The following VWA3B variants were observed in gnomAD, a reference collection of about 807,000 sequenced individuals.
VWA3B encodes von Willebrand factor A domain-containing protein 3B.
Under a neutral mutation model 158.3 loss-of-function variants are expected in VWA3B, and 138 were observed. That is an observed-to-expected ratio of 0.87 (90% CI 0.76 to 1.00). VWA3B has a LOEUF of 1.00. Ranked by LOEUF, VWA3B falls within the 50% of genes least tolerant of loss-of-function variation. The probability of loss-of-function intolerance (pLI) is 0.00; values close to 1 mark genes in which losing one functional copy is unlikely to be tolerated. For missense variants in VWA3B, 1,555 were observed against 1,565.1 expected (o/e 0.99, Z 0.11); for synonymous variants, 596 against 587.3 (o/e 1.01, Z -0.21).
At chr2:98,167,166 C>T (rs1679152958) in intron 8 of VWA3B, among the ~76,000 whole-genome samples, 2 of 152,162 alleles carry the variant, frequency 1.3e-5, no homozygotes, top group Admixed American at 1.3e-4. Context: ...TGGAGGAGAT[C>T]TAGCAAGCTG....
At chr2:98,186,158 A>AT (rs377014875) in intron 9 of VWA3B, among the ~76,000 whole-genome samples, 93,140 of 128,348 alleles carry the variant, frequency 0.73, 34,371 homozygotes, top group East Asian at 0.95. Context: ...ACTTCCTTGA[A>AT]TTTTTTTTTT....
intron 21 of VWA3B, among the ~76,000 whole-genome samples, chr2:98,267,705 G>A: frequency 6.6e-6 from 1 of 151,956 alleles, no homozygotes; most frequent in East Asian, 1.9e-4. Flanking sequence ...AGAACTGAAG[G>A]AAATAGAGAC....
chr2:98,109,026 C>G, intron 2 of VWA3B, among the ~76,000 whole-genome samples: 1 of 126,768 alleles, frequency 7.9e-6, no homozygotes, highest in Non-Finnish European at 1.6e-5. Flanking sequence ...GAGTTTTGCT[C>G]TTGTTGCCTA....
intron 22 of VWA3B, among the ~76,000 whole-genome samples, chr2:98,278,223 C>A (rs2105910266): frequency 6.6e-6 from 1 of 152,274 alleles, no homozygotes; most frequent in East Asian, 1.9e-4. Flanking sequence ...CTCTCAGCCC[C>A]TCTCGGGAGA....
chr2:98,246,544 AT>A (rs781624122), intron 19 of VWA3B, among the ~76,000 whole-genome samples: 1 of 149,714 alleles, frequency 6.7e-6, no homozygotes. Flanking sequence ...TGCCTGGCTC[AT>A]TTTTTTTTGT....
intron 21 of VWA3B, among the ~76,000 whole-genome samples, chr2:98,270,098 C>G (rs1428011450): frequency 2.0e-5 from 3 of 151,724 alleles, no homozygotes; most frequent in African/African-American, 7.3e-5. Flanking sequence ...CCCCTGGAGT[C>G]CCACCGCCTG....
chr2:98,114,248 A>G (rs1037414593), intron 2 of VWA3B, among the ~76,000 whole-genome samples: 4 of 152,212 alleles, frequency 2.6e-5, no homozygotes, highest in Non-Finnish European at 5.9e-5. Context: ...TCAAGCCTCA[A>G]AAAACAGCTT....
intron 21 of VWA3B, among the ~76,000 whole-genome samples, chr2:98,258,108 G>A (rs1407961119): frequency 6.6e-6 from 1 of 151,784 alleles, no homozygotes; most frequent in Non-Finnish European, 1.5e-5. Flanking sequence ...ATTTGTTTAA[G>A]AGACTATTCT....
chr2:98,183,188 C>CT lies in VWA3B; in HGVS notation c.1311+1976_1311+1977insT, dbSNP rs1574012466. Among the ~76,000 whole-genome samples, 3 of 137,330 alleles carry CT rather than the reference C, an allele frequency of 2.2e-5. No homozygotes were observed. The East Asian group carries it at 6.3e-4, about 29-fold the overall frequency. 90.1% of individuals were successfully genotyped at this position (137,330 alleles called of 152,430 possible). A position where few individuals can be genotyped will look rare whatever the true frequency, so the allele number is the denominator to read the frequency against. On this transcript the variant is annotated intron_variant, in intron 9 of 27. Coordinates refer to ENST00000477737, the MANE Select transcript of VWA3B (RefSeq NM_144992.5). Reference sequence around the variant, plus strand: ...GAATTATTAATATATAGTACAGCTCCCTTTTTTTTTTTTTTTTTTTTTACA... The same window carrying CT: ...GAATTATTAATATATAGTACAGCTCCTCTTTTTTTTTTTTTTTTTTTTTACA...
intron 12 of VWA3B, among the ~76,000 whole-genome samples, chr2:98,199,361 G>A (rs1266162187): frequency 1.3e-5 from 2 of 152,188 alleles, no homozygotes; most frequent in African/African-American, 4.8e-5. Flanking sequence ...TGAGAACTGT[G>A]AAGGGCCTGA....
intron 21 of VWA3B, among the ~76,000 whole-genome samples, chr2:98,263,459 T>G (rs569885503): frequency 3.0e-4 from 46 of 152,134 alleles, no homozygotes; most frequent in African/African-American, 1.1e-3. Context: ...GAAAGGATGT[T>G]GACTTTTGTC....
Position 98,312,023 on chromosome 2 carries a change from C to G in VWA3B, c.3726C>G (p.Pro1242=). 6.3e-7 allele frequency: 1 copy of G among 1,597,592 alleles called. No homozygotes were observed. The highest frequency in any genetic ancestry group is 8.5e-7 in the Non-Finnish European group (1 of 1,171,812). Residue 1242 remains proline (P), a synonymous_variant, in exon 27 of 28, where the codon CCC becomes CCG. Transcript: ENST00000477737. ...SSHGSCQGTH[P]EPRTAHLHFP... is the part of the protein sequence containing the mutation. ...ATGGGTCCTGCCAGGGGACACACCC[C>G]GAGCCCAGGGTTTGGGTGATGGGGG...
At chr2:98,294,203 CAAAAAAAAA>C (rs751689571) in intron 23 of VWA3B, among the ~76,000 whole-genome samples, 16 of 56,296 alleles carry the variant, frequency 2.8e-4, no homozygotes, top group South Asian at 1.0e-3. Context: ...CACACACACA[CAAAAAAAAA>C]AAAAAAAAAA....
At chr2:98,226,971 T>G (rs756470329) in intron 14 of VWA3B, among the ~76,000 whole-genome samples, 2 of 152,180 alleles carry the variant, frequency 1.3e-5, no homozygotes, top group Non-Finnish European at 2.9e-5. Context: ...AAGCATTCCC[T>G]TTGAAAACCA....
At chr2:98,236,752 C>T (rs766638983) in intron 19 of VWA3B, 22 bp downstream of exon 19, 1 of 1,582,970 alleles carries the variant, frequency 6.3e-7, no homozygotes, top group Admixed American at 1.9e-5. Flanking sequence ...GTCTATACGT[C>T]CCTACTTGAG....
At chr2:98,116,881 G>A (rs1674579241) in intron 3 of VWA3B, among the ~76,000 whole-genome samples, 1 of 152,166 alleles carries the variant, frequency 6.6e-6, no homozygotes. Flanking sequence ...CTTCAACTTT[G>A]AAGTTCTTTC....
chr2:98,163,539 AAAC>A (rs752638213), intron 8 of VWA3B, among the ~76,000 whole-genome samples: 71 of 152,122 alleles, frequency 4.7e-4, no homozygotes, highest in Admixed American at 1.4e-3. Context: ...TCTGTCTCAA[AAAC>A]AACAACAACA....
At chr2:98,140,923 T>G (rs1226456556) in intron 7 of VWA3B, among the ~76,000 whole-genome samples, 2 of 152,170 alleles carry the variant, frequency 1.3e-5, no homozygotes, top group Non-Finnish European at 2.9e-5. Flanking sequence ...GGTCTCAGTT[T>G]CCCCTGTCCA....
intron 13 of VWA3B, among the ~76,000 whole-genome samples, chr2:98,216,089 A>C (rs747158400): frequency 2.6e-5 from 4 of 152,264 alleles, no homozygotes; most frequent in Non-Finnish European, 5.9e-5. Flanking sequence ...GGAAGAATAG[A>C]CACAGATGCT....
Sources: gnomAD v4.1 joint callset for allele counts (sites outside exome capture counted in the v4.1 genomes callset) on GRCh38, gnomAD v4.1.1 for gene constraint, MANE v1.5 for transcripts, NCBI Gene and HGNC (gene_info 2026-07-23, HGNC 2026-07-21) for gene names.